NXPE4: variants seen among roughly 807,000 people sequenced by gnomAD.
The protein encoded by NXPE4 is neurexophilin and PC-esterase domain family member 4.
A neutral mutation model predicts 33.3 loss-of-function variants in NXPE4; 42 were observed. The observed-to-expected ratio is 1.26, with a 90% CI of 0.98 to 1.63. The LOEUF (loss-of-function observed/expected upper bound fraction) is 1.63, where lower values mean the gene tolerates loss of function less well. NXPE4 is among the 40% of genes most tolerant of loss of function. The probability of loss-of-function intolerance (pLI) is 0.00; values close to 1 mark genes in which losing one functional copy is unlikely to be tolerated. For missense variants in NXPE4, 709 were observed against 647.6 expected (o/e 1.09, Z -1.03); for synonymous variants, 253 against 234.9 (o/e 1.08, Z -0.71).
upstream of NXPE4, among the ~76,000 whole-genome samples, chr11:114,598,514 T>C (rs1454406889): frequency 5.9e-5 from 9 of 152,238 alleles, no homozygotes; most frequent in South Asian, 1.7e-3. Flanking sequence ...CCTGGACATA[T>C]AGGCTTTTCC....
chr11:114,586,898 G>C (rs1372492795), intron 2 of NXPE4, among the ~76,000 whole-genome samples: 1 of 152,148 alleles, frequency 6.6e-6, no homozygotes, highest in Non-Finnish European at 1.5e-5. Context: ...TAATGCCTGG[G>C]AATATAGCTC....
the NXPE4 span, among the ~76,000 whole-genome samples, chr11:114,640,443 T>C: frequency 6.6e-6 from 1 of 151,540 alleles, no homozygotes; most frequent in Non-Finnish European, 1.5e-5. Flanking sequence ...TGTCTTTTGA[T>C]GTGACTTCTT....
At chr11:114,669,836 C>T in the NXPE4 span, among the ~76,000 whole-genome samples, 1 of 152,036 alleles carries the variant, frequency 6.6e-6, no homozygotes, top group Non-Finnish European at 1.5e-5. Context: ...GGCAATTATG[C>T]CTAGTGTTCC....
At chr11:114,604,395 CAT>C in the NXPE4 span, among the ~76,000 whole-genome samples, 22 of 152,092 alleles carry the variant, frequency 1.4e-4, no homozygotes, top group African/African-American at 4.8e-4. Flanking sequence ...ACCACTGTTA[CAT>C]GATGGATAGT....
the NXPE4 span, among the ~76,000 whole-genome samples, chr11:114,675,184 T>C: frequency 6.6e-6 from 1 of 151,822 alleles, no homozygotes; most frequent in African/African-American, 2.4e-5. Flanking sequence ...ACACTATATA[T>C]GACAAACCCA....
rs1948878620 is a variant in NXPE4 at position 114,571,300 on chromosome 11, C to T, written c.1273G>A (p.Gly425Arg). 7 of 1,613,954 alleles carry T rather than the reference C, an allele frequency of 4.3e-6. No homozygotes were observed. The East Asian group carries it at 1.6e-4, about 36-fold the overall frequency. Residue 425 changes from glycine (G) to arginine (R), a missense_variant, in exon 6 of 6, where the codon GGA becomes AGA. Physicochemically the swap from Gly to Arg is moderately radical, Grantham distance 125. Transcript: ENST00000375478. ...ATAACAATGACAGTATTTTTTTCTCCTCCAGTTCTGTCAATGGCCCGGGTG... is the reference window on the plus strand; with the variant it reads ...ATAACAATGACAGTATTTTTTTCTCTTCCAGTTCTGTCAATGGCCCGGGTG... ...YLTRAIDRTG[G>R]EKNTVIVISL...
the NXPE4 span, among the ~76,000 whole-genome samples, chr11:114,626,613 G>A: frequency 1.7e-4 from 26 of 152,286 alleles, no homozygotes; most frequent in South Asian, 1.2e-3. Flanking sequence ...AAAGCAGAGC[G>A]CCTCTCCTCC....
chr11:114,631,943 C>A, the NXPE4 span, among the ~76,000 whole-genome samples: 1 of 150,674 alleles, frequency 6.6e-6, no homozygotes, highest in Admixed American at 6.7e-5. Flanking sequence ...TAAATATTGC[C>A]TTGTAGGTAA....
At chr11:114,645,161 G>C in the NXPE4 span, among the ~76,000 whole-genome samples, 13 of 152,086 alleles carry the variant, frequency 8.5e-5, no homozygotes, top group African/African-American at 2.9e-4. Context: ...AATTAGCTGG[G>C]CGTGATGGCG....
At chr11:114,618,394 G>C in the NXPE4 span, among the ~76,000 whole-genome samples, 1 of 151,964 alleles carries the variant, frequency 6.6e-6, no homozygotes. Flanking sequence ...TTACCCAGTG[G>C]ATAATAAGTA....
the NXPE4 span, among the ~76,000 whole-genome samples, chr11:114,646,651 T>A: frequency 2.6e-5 from 4 of 152,100 alleles, no homozygotes; most frequent in Non-Finnish European, 4.4e-5. Flanking sequence ...CACCACCAAA[T>A]ACCATTAAAA....
At chr11:114,589,423 T>C (rs965203465) in intron 2 of NXPE4, among the ~76,000 whole-genome samples, 6 of 152,118 alleles carry the variant, frequency 3.9e-5, no homozygotes, top group African/African-American at 1.4e-4. Flanking sequence ...TCCCATAGCA[T>C]GAGGGGTGTG....
intron 5 of NXPE4, among the ~76,000 whole-genome samples, chr11:114,576,526 AG>A (rs1948997310): frequency 6.6e-6 from 1 of 152,148 alleles, no homozygotes; most frequent in Non-Finnish European, 1.5e-5. Flanking sequence ...CCCATCAAAA[AG>A]TGGGCTATAG....
the NXPE4 span, among the ~76,000 whole-genome samples, chr11:114,612,471 C>T: frequency 5.3e-5 from 8 of 151,728 alleles, no homozygotes; most frequent in Admixed American, 2.0e-4. Flanking sequence ...AGTGTTGCCT[C>T]ATGGGAAACC....
the NXPE4 span, among the ~76,000 whole-genome samples, chr11:114,631,333 C>A: frequency 2.0e-5 from 3 of 151,932 alleles, no homozygotes; most frequent in South Asian, 2.1e-4. Context: ...GCATGGAATA[C>A]TATGCAGCCA....
intron 2 of NXPE4, 59 bp from the exon 3 acceptor site, chr11:114,583,080 A>G: frequency 6.6e-7 from 1 of 1,523,416 alleles, no homozygotes; most frequent in Non-Finnish European, 8.8e-7. Context: ...CTGAACTGAA[A>G]TGACAGGAAG....
At chr11:114,669,704 G>A in the NXPE4 span, among the ~76,000 whole-genome samples, 3 of 152,050 alleles carry the variant, frequency 2.0e-5, no homozygotes, top group Non-Finnish European at 4.4e-5. Context: ...AAGAGAGGCA[G>A]GTCATAGCAA....
rs1419590075 is a variant in NXPE4, at chr11:114,583,453, C to G, written c.97-432G>C. The G allele has an allele frequency of 4.5e-6, 3 of 667,500 alleles. No homozygotes were observed. In the African/African-American group the frequency reaches 5.4e-5, roughly 12 times the overall value. The allele number at this position is 667,500 out of a possible 1,614,324, so 41.3% of individuals were successfully genotyped here. ...CCAATGCTGAGGAGATGACCAAGTA[C>G]CACAGTGATGACTACATTAAATTCT... On this transcript the variant is annotated intron_variant, in intron 2 of 5. Transcript: ENST00000375478.
upstream of NXPE4, among the ~76,000 whole-genome samples, chr11:114,598,875 G>A (rs1949607805): frequency 6.6e-6 from 1 of 152,088 alleles, no homozygotes; most frequent in Non-Finnish European, 1.5e-5. Context: ...TTAACACCCT[G>A]TGGAAGCTAC....
Sources: gnomAD v4.1 joint callset for allele counts (sites outside exome capture counted in the v4.1 genomes callset) on GRCh38, gnomAD v4.1.1 for gene constraint, MANE v1.5 for transcripts, NCBI Gene and HGNC (gene_info 2026-07-23, HGNC 2026-07-21) for gene names.